The following IL2RA variants were observed in gnomAD, a reference collection of about 807,000 sequenced individuals.
IL2RA encodes interleukin-2 receptor subunit alpha.
In IL2RA, 24 loss-of-function variants were observed where a neutral mutation model predicts 37.8. That is an observed-to-expected ratio of 0.63 (90% confidence interval 0.46 to 0.89). The LOEUF (loss-of-function observed/expected upper bound fraction) is 0.89. IL2RA is among the 40% of genes least tolerant of loss of function. The probability of loss-of-function intolerance (pLI) is 0.00; values close to 1 mark genes in which losing one functional copy is unlikely to be tolerated. For missense variants in IL2RA, 319 were observed against 348.6 expected, an observed-to-expected ratio of 0.92 and a Z score of 0.68; for synonymous variants, 125 against 114.6, an observed-to-expected ratio of 1.09 and a Z score of -0.58.
Position 6,025,783 on chromosome 10 carries a change from A to T in IL2RA, c.256+51T>A. ...GTGAACAAAAGCTGGGCTCTGTCTC[A>T]CTCTTTGCTGCAGTTCTTTTGTTCT... On this transcript the variant is annotated intron_variant, in intron 2 of 7. Coordinates refer to ENST00000379959, the MANE Select transcript of IL2RA (RefSeq NM_000417.3). The surrounding 1 kb of genome is among the most constrained non-coding windows in gnomAD (Gnocchi z 4.4). 1 of 1,566,908 alleles carries T rather than the reference A, an allele frequency of 6.4e-7. No individual in the cohort carries two copies. The highest frequency in any genetic ancestry group is 8.8e-7 in the Non-Finnish European group (1 of 1,137,698).
Position 6,014,595 on chromosome 10 carries a change from G to A in IL2RA, c.795-1699C>T, listed in dbSNP as rs569759046. 6.9e-4 allele frequency among the ~76,000 whole-genome samples: 105 copies of A among 152,258 alleles called. No individual in the cohort carries two copies. Among genetic ancestry groups the A allele is most frequent in the African/African-American group, 2.2e-3 (92 of 41,554 alleles). Reference sequence around the variant, plus strand: ...TAACAAATGAAAAAAATCCTTGCAAGGTGTTAAGGCTTGTCAGGTGTTCAG... The same window carrying A: ...TAACAAATGAAAAAAATCCTTGCAAAGTGTTAAGGCTTGTCAGGTGTTCAG... On this transcript the variant is annotated intron_variant, in intron 7 of 7. Coordinates refer to ENST00000379959, the MANE Select transcript of IL2RA (RefSeq NM_000417.3). The surrounding 1 kb of genome is among the most constrained non-coding windows in gnomAD (Gnocchi z 4.4).
At chr10:6,052,236 TCA>T (rs750138738) in intron 1 of IL2RA, among the ~76,000 whole-genome samples, 2 of 152,170 alleles carry the variant, frequency 1.3e-5, no homozygotes, top group Non-Finnish European at 2.9e-5. Context: ...GTCCTCTCTG[TCA>T]CATCTAACAT....
intron 1 of IL2RA, among the ~76,000 whole-genome samples, chr10:6,043,175 GTAA>G (rs1361390137): frequency 6.6e-6 from 1 of 152,178 alleles, no homozygotes; most frequent in Non-Finnish European, 1.5e-5. Context: ...ATTATACAAT[GTAA>G]TAATGTACAG....
chr10:6,016,197 T>C (rs1839275002), intron 7 of IL2RA, among the ~76,000 whole-genome samples: 1 of 152,202 alleles, frequency 6.6e-6, no homozygotes, highest in African/African-American at 2.4e-5. Flanking sequence ...AGTGGGTTTG[T>C]GATAAAAGCT....
In IL2RA at chr10:6,010,834, G is replaced by A. The variant is rs551131164; in HGVS notation, c.*2038C>T. 2 of 152,248 alleles carry A rather than the reference G, an allele frequency of 1.3e-5. No individual in the cohort carries two copies. Among genetic ancestry groups the A allele is most frequent in the South Asian group, 2.1e-4 (1 of 4,828 alleles). The allele number at this position is 152,248 out of a possible 1,614,324, so 9.4% of individuals were successfully genotyped here. ...TTGAGAGAAGGACAGATAAATGGTC[G>A]ATAACATCTTAGTATTATCATGGAA... On this transcript the variant is annotated 3_prime_UTR_variant, in exon 8 of 8. Coordinates refer to ENST00000379959, the MANE Select transcript of IL2RA (RefSeq NM_000417.3).
chr10:6,044,005 A>G lies in IL2RA; in HGVS notation c.65-17980T>C, dbSNP rs1301615051. On this transcript the variant is annotated intron_variant, in intron 1 of 7. Transcript: ENST00000379959. This position sits in a 1 kb window ranked among gnomAD's most constrained non-coding sequence, Gnocchi z 4.5. ...CTTCTGTCTGTGGATGTGGAACTTT[A>G]TCAGAGAAAGAAACCCCCCTCTCCC... Among the ~76,000 whole-genome samples, 1 of 152,234 alleles carries G rather than the reference A, an allele frequency of 6.6e-6. No homozygotes were observed. Among genetic ancestry groups the G allele is most frequent in the African/African-American group, 2.4e-5 (1 of 41,454 alleles).
Position 6,012,789 on chromosome 10 carries a change from G to A in IL2RA, c.*83C>T. ...CGGATGTCTCCTGGGCGACCATTTAGCACCTTTGATTTCACTTGGGCTTCA... is the reference window on the plus strand; with the variant it reads ...CGGATGTCTCCTGGGCGACCATTTAACACCTTTGATTTCACTTGGGCTTCA... On this transcript the variant is annotated 3_prime_UTR_variant, in exon 8 of 8. Coordinates refer to ENST00000379959, the MANE Select transcript of IL2RA (RefSeq NM_000417.3). This position sits in a 1 kb window ranked among gnomAD's most constrained non-coding sequence, Gnocchi z 4.8. 7.1e-7 allele frequency: 1 copy of A among 1,408,800 alleles called. No homozygotes were observed. 87.3% of individuals were successfully genotyped at this position (1,408,800 alleles called of 1,614,324 possible). A position where few individuals can be genotyped will look rare whatever the true frequency, so the allele number is the denominator to read the frequency against.
Position 6,046,323 on chromosome 10 carries a change from A to G in IL2RA, c.64+15765T>C, listed in dbSNP as rs1051527782. On this transcript the variant is annotated intron_variant, in intron 1 of 7. Transcript: ENST00000379959. The surrounding 1 kb of genome is among the most constrained non-coding windows in gnomAD (Gnocchi z 4.8). The stretch of plus-strand genomic sequence containing the variant: ...TGGGGTCCTGGCGCTTTCAGATACT[A>G]CCATGATCTGCTAGTCTACTGTGAT... Among the ~76,000 whole-genome samples, 39 of 152,198 alleles carry G rather than the reference A, an allele frequency of 2.6e-4. No homozygotes were observed. Among genetic ancestry groups the G allele is most frequent in the African/African-American group, 8.2e-4 (34 of 41,454 alleles).
rs766081752 is a variant in IL2RA at position 6,015,617 on chromosome 10, A to G, written c.794+2436T>C. ...TTAAGTTGACACATAATAGTTATAT[A>G]TATTTATGAGGTATGTAGGGATGCT... On this transcript the variant is annotated intron_variant, in intron 7 of 7. Coordinates refer to ENST00000379959, the MANE Select transcript of IL2RA (RefSeq NM_000417.3). The surrounding 1 kb of genome is among the most constrained non-coding windows in gnomAD (Gnocchi z 4.9). 6.6e-6 allele frequency among the ~76,000 whole-genome samples: 1 copy of G among 152,210 alleles called. No individual in the cohort carries two copies. Among genetic ancestry groups the G allele is most frequent in the Non-Finnish European group, 1.5e-5 (1 of 68,036 alleles).
At chr10:6,019,059 C>T (rs1455221781) in intron 6 of IL2RA, among the ~76,000 whole-genome samples, 1 of 152,050 alleles carries the variant, frequency 6.6e-6, no homozygotes, top group African/African-American at 2.4e-5. Context: ...CACCAACCAA[C>T]CTATCAACTT....
At chr10:6,051,575 A>G (rs1444848995) in intron 1 of IL2RA, among the ~76,000 whole-genome samples, 1 of 141,216 alleles carries the variant, frequency 7.1e-6, no homozygotes, top group Non-Finnish European at 1.5e-5. Flanking sequence ...GCTGGAGTGC[A>G]GTGGCTCAAT....
At chr10:6,039,255 T>G (rs1839734763) in intron 1 of IL2RA, 1 of 152,250 alleles carries the variant, frequency 6.6e-6, no homozygotes. Flanking sequence ...AAATGCTATA[T>G]GTGTATGCAC....
intron 1 of IL2RA, among the ~76,000 whole-genome samples, chr10:6,060,240 A>T (rs1221412645): frequency 6.6e-6 from 1 of 152,310 alleles, no homozygotes; most frequent in South Asian, 2.1e-4. Flanking sequence ...GAACGGCACG[A>T]TGGACTCTGA....
intron 3 of IL2RA, among the ~76,000 whole-genome samples, chr10:6,023,729 G>T (rs1589294389): frequency 6.6e-6 from 1 of 152,352 alleles, no homozygotes; most frequent in East Asian, 1.9e-4. Flanking sequence ...TGCACAGACT[G>T]CTGGCCAGGA....
In IL2RA at chr10:6,047,489, C is replaced by T. The variant is rs1157581902; in HGVS notation, c.64+14599G>A. Among the ~76,000 whole-genome samples, 2 of 152,158 alleles carry T rather than the reference C, an allele frequency of 1.3e-5. No individual in the cohort carries two copies. The highest frequency in any genetic ancestry group is 1.3e-4 in the Admixed American group (2 of 15,278). On this transcript the variant is annotated intron_variant, in intron 1 of 7. Transcript: ENST00000379959. This position sits in a 1 kb window ranked among gnomAD's most constrained non-coding sequence, Gnocchi z 5.0. Reference sequence around the variant, plus strand: ...TCCGGGCCACCAAAAACAGCAATCACGTCAGCTGAGACGCAACACACTGCA... The same window carrying T: ...TCCGGGCCACCAAAAACAGCAATCATGTCAGCTGAGACGCAACACACTGCA...
intron 1 of IL2RA, among the ~76,000 whole-genome samples, chr10:6,038,652 CAA>C (rs1316747756): frequency 2.0e-5 from 3 of 152,170 alleles, no homozygotes; most frequent in Non-Finnish European, 4.4e-5. Flanking sequence ...GAAATTCTTT[CAA>C]ATAGCAAACA....
intron 1 of IL2RA, among the ~76,000 whole-genome samples, chr10:6,060,615 C>T (rs560455108): frequency 7.2e-5 from 11 of 152,098 alleles, no homozygotes; most frequent in South Asian, 6.2e-4. Context: ...ATTAGCTGGT[C>T]GTGGTGGTGC....
In IL2RA at chr10:6,035,240, C is replaced by T. The variant is rs768561291; in HGVS notation, c.65-9215G>A. On this transcript the variant is annotated intron_variant, in intron 1 of 7. Coordinates refer to ENST00000379959, the MANE Select transcript of IL2RA (RefSeq NM_000417.3). This position sits in a 1 kb window ranked among gnomAD's most constrained non-coding sequence, Gnocchi z 5.4. ...AACTTGAATGGGACCCTGAGAGAGC[C>T]AGGGGTTCCTTGGGCCCCCGCTAGG... Among the ~76,000 whole-genome samples the T allele has an allele frequency of 1.2e-4, 18 of 152,224 alleles. No individual in the cohort carries two copies. Among genetic ancestry groups the T allele is most frequent in the Non-Finnish European group, 2.5e-4 (17 of 68,038 alleles).
chr10:6,027,499 T>C (rs1839504221), intron 1 of IL2RA, among the ~76,000 whole-genome samples: 2 of 152,190 alleles, frequency 1.3e-5, no homozygotes, highest in African/African-American at 4.8e-5. Context: ...AGCAGCAGCA[T>C]GGTGGGAAGG....
Sources: gnomAD v4.1 joint callset for allele counts (sites outside exome capture counted in the v4.1 genomes callset) on GRCh38, gnomAD v4.1.1 for gene constraint, Gnocchi (gnomAD v3.1) non-coding constraint, MANE v1.5 for transcripts, NCBI Gene and HGNC (gene_info 2026-07-23, HGNC 2026-07-21) for gene names.